GALNT11: variants seen among roughly 807,000 people sequenced by gnomAD.
GALNT11 encodes the protein UDP-GalNAc:polypeptide N-acetylgalactosaminyltransferase 11.
Under a neutral mutation model 72.7 loss-of-function variants are expected in GALNT11, and 47 were observed. The observed-to-expected ratio is 0.65, with a 90% CI of 0.51 to 0.82. The LOEUF (loss-of-function observed/expected upper bound fraction) is 0.82. Among genes scored for constraint, GALNT11 ranks in the 40% least tolerant of loss-of-function variants. GALNT11 has a pLI of 0.00. For missense variants in GALNT11, 677 were observed against 778.4 expected (o/e 0.87, Z 1.55); for synonymous variants, 270 against 286.6 (o/e 0.94, Z 0.58).
At chr7:152,058,674 C>T (rs1255588006) in intron 1 of GALNT11, among the ~76,000 whole-genome samples, 1 of 152,098 alleles carries the variant, frequency 6.6e-6, no homozygotes, top group Non-Finnish European at 1.5e-5. Context: ...TCTGACTCAT[C>T]GATTGACTTT....
At chr7:152,034,670 C>A (rs34406349) in intron 1 of GALNT11, among the ~76,000 whole-genome samples, 7,404 of 152,222 alleles carry the variant, frequency 0.049, 300 homozygotes, top group East Asian at 0.19. Flanking sequence ...TAGTTGCACT[C>A]ACCGATGCAG....
chr7:152,080,496 G>A (rs146336555), intron 1 of GALNT11, among the ~76,000 whole-genome samples: 6 of 152,192 alleles, frequency 3.9e-5, no homozygotes, highest in African/African-American at 1.4e-4. Flanking sequence ...TAATTTTTTG[G>A]TAGTTGCCAA....
chr7:152,104,341 C>T (rs1418104936), intron 4 of GALNT11: 4 of 151,980 alleles, frequency 2.6e-5, no homozygotes, highest in African/African-American at 9.7e-5. Flanking sequence ...TGCACTCGAG[C>T]GTTTATTAAG....
At chr7:152,091,727 G>A (rs953627855) in intron 1 of GALNT11, among the ~76,000 whole-genome samples, 1 of 152,080 alleles carries the variant, frequency 6.6e-6, no homozygotes, top group African/African-American at 2.4e-5. Flanking sequence ...CATCAGTCCT[G>A]GATGATGATG....
intron 1 of GALNT11, among the ~76,000 whole-genome samples, chr7:152,030,157 G>A (rs2082239180): frequency 6.6e-6 from 1 of 152,204 alleles, no homozygotes; most frequent in South Asian, 2.1e-4. Context: ...AGAGGTAGAG[G>A]AGTAGAGTCT....
chr7:152,121,804 C>T lies in GALNT11; in HGVS notation c.*127C>T. ...GAGAAGATGACAGTTCCCTGTCCTC[C>T]CGGAGATGCCTGGGTGTGTTAGCAG... On this transcript the variant is annotated 3_prime_UTR_variant, in exon 12 of 12. Transcript: ENST00000430044. 8.3e-7 allele frequency: 1 copy of T among 1,208,984 alleles called. No individual in the cohort carries two copies. Among genetic ancestry groups the T allele is most frequent in the Non-Finnish European group, 1.1e-6 (1 of 874,022 alleles). The allele number at this position is 1,208,984 out of a possible 1,614,324, so 74.9% of individuals were successfully genotyped here.
intron 1 of GALNT11, among the ~76,000 whole-genome samples, chr7:152,071,743 T>C (rs2084661139): frequency 1.3e-5 from 2 of 152,198 alleles, no homozygotes; most frequent in African/African-American, 2.4e-5. Flanking sequence ...AGTATTAATT[T>C]GGGGAACTAA....
chr7:152,103,462 A>G (rs2087182609), intron 4 of GALNT11, 184 bp downstream of exon 4: 2 of 532,084 alleles, frequency 3.8e-6, no homozygotes, highest in African/African-American at 3.7e-5. Flanking sequence ...CTTATAAACT[A>G]TGCTACCCAA....
chr7:152,074,835 C>T (rs977800543), intron 1 of GALNT11, among the ~76,000 whole-genome samples: 3 of 152,110 alleles, frequency 2.0e-5, no homozygotes, highest in African/African-American at 7.2e-5. Flanking sequence ...CTGACCTTTG[C>T]GGATTTTTTT....
At chr7:152,112,278 C>T (rs901979924) in intron 7 of GALNT11, among the ~76,000 whole-genome samples, 8 of 152,200 alleles carry the variant, frequency 5.3e-5, no homozygotes, top group African/African-American at 9.7e-5. Flanking sequence ...TGGTGGCTCA[C>T]GCCTATAATC....
chr7:152,029,686 G>A (rs528399951), intron 1 of GALNT11, among the ~76,000 whole-genome samples: 8 of 152,318 alleles, frequency 5.3e-5, no homozygotes, highest in South Asian at 2.1e-4. Context: ...CCAATTATTA[G>A]GCAGTTTTCC....
In GALNT11 at chr7:152,093,965, A is replaced by G. The variant is rs2086205906; in HGVS notation, c.-38-225A>G. The G allele has an allele frequency of 8.0e-6, 3 of 372,758 alleles. No individual in the cohort carries two copies. In the South Asian group the frequency reaches 2.6e-4, roughly 33 times the overall value. 23.1% of individuals were successfully genotyped at this position (372,758 alleles called of 1,614,324 possible). ...ACATGGGCAAATGAATCAGTCAGCTATTTCACTGCCGTTGGTTCTCTGAGC... is the reference window on the plus strand; with the variant it reads ...ACATGGGCAAATGAATCAGTCAGCTGTTTCACTGCCGTTGGTTCTCTGAGC... On this transcript the variant is annotated intron_variant, in intron 1 of 11. Coordinates refer to ENST00000430044, the MANE Select transcript of GALNT11 (RefSeq NM_022087.4).
intron 5 of GALNT11, among the ~76,000 whole-genome samples, chr7:152,106,348 T>C (rs893384782): frequency 6.6e-6 from 1 of 152,230 alleles, no homozygotes; most frequent in African/African-American, 2.4e-5. Flanking sequence ...CCACTCCCCC[T>C]GTGGAGCCAC....
At chr7:152,036,695 A>G (rs924342002) in intron 1 of GALNT11, among the ~76,000 whole-genome samples, 5 of 152,182 alleles carry the variant, frequency 3.3e-5, no homozygotes, top group Non-Finnish European at 7.3e-5. Context: ...ACTAATTTAC[A>G]TTCCCACCAA....
chr7:152,118,985 A>C (rs2089163377), intron 10 of GALNT11: 1 of 381,312 alleles, frequency 2.6e-6, no homozygotes, highest in Non-Finnish European at 4.6e-6. Context: ...CCAGGGTCTG[A>C]TTTTTCACCG....
chr7:152,082,545 A>G (rs751722958), intron 1 of GALNT11, among the ~76,000 whole-genome samples: 14 of 152,270 alleles, frequency 9.2e-5, no homozygotes, highest in Non-Finnish European at 1.3e-4. Flanking sequence ...GCTATGACCT[A>G]ATGCTTGCTT....
chr7:152,117,210 C>G lies in GALNT11; in HGVS notation c.1287C>G (p.Ile429Met). 6.2e-7 allele frequency: 1 copy of G among 1,614,026 alleles called. No homozygotes were observed. The highest frequency in any genetic ancestry group is 8.5e-7 in the Non-Finnish European group (1 of 1,180,010). ...PDLKTKSYGN[I>M]SERVELRKKL... is the part of the protein sequence containing the mutation. Reference sequence around the variant, plus strand: ...TGAAGACGAAAAGCTATGGCAATATCAGTGAGCGTGTGGAACTGAGAAAGA... The same window carrying G: ...TGAAGACGAAAAGCTATGGCAATATGAGTGAGCGTGTGGAACTGAGAAAGA... The change falls in exon 9 of 12, where the codon ATC becomes ATG. Residue 429 changes from isoleucine to methionine, a missense_variant. Ile to Met is a conservative substitution (Grantham distance 10). Coordinates refer to ENST00000430044, the MANE Select transcript of GALNT11 (RefSeq NM_022087.4).
intron 1 of GALNT11, among the ~76,000 whole-genome samples, chr7:152,072,009 C>CA (rs11366450): frequency 0.017 from 1,147 of 66,644 alleles, 8 homozygotes; most frequent in East Asian, 0.044. Context: ...AACTCTGTCT[C>CA]AAAAAAAAAA....
intron 1 of GALNT11, among the ~76,000 whole-genome samples, chr7:152,055,374 A>G (rs1448002696): frequency 6.6e-6 from 1 of 152,202 alleles, no homozygotes; most frequent in Non-Finnish European, 1.5e-5. Flanking sequence ...TATGAAATGC[A>G]TTTTATAAAT....
Sources: allele counts gnomAD v4.1 joint callset (sites outside exome capture counted in the v4.1 genomes callset), GRCh38; gene constraint gnomAD v4.1.1; transcripts MANE v1.5; gene names NCBI Gene and HGNC (gene_info 2026-07-23, HGNC 2026-07-21).